TP63: variants seen among roughly 807,000 people sequenced by gnomAD.
TP63 encodes tumor protein 63.
TP63 carries 17 observed loss-of-function variants against 82.8 expected under a neutral mutation model. That is an observed-to-expected ratio of 0.21 (90% confidence interval 0.14 to 0.31). TP63 has a LOEUF of 0.31. Among genes scored for constraint, TP63 ranks in the 10% least tolerant of loss-of-function variants. The pLI is 1.00. For missense variants in TP63, 648 were observed against 895.3 expected (o/e 0.72, Z 3.52); for synonymous variants, 330 against 321.7 (o/e 1.03, Z -0.28).
At chr3:189,711,238 G>A (rs924622649) in intron 1 of TP63, among the ~76,000 whole-genome samples, 2 of 152,154 alleles carry the variant, frequency 1.3e-5, no homozygotes, top group African/African-American at 4.8e-5. Context: ...CAGCCTTGTG[G>A]AATTTAGGCC....
chr3:189,679,684 T>C (rs1195630803), intron 1 of TP63, among the ~76,000 whole-genome samples: 4 of 152,140 alleles, frequency 2.6e-5, no homozygotes. Flanking sequence ...GCTTTTGGTG[T>C]CACATTCAAA....
At chr3:189,833,341 A>C (rs1415697362) in intron 4 of TP63, among the ~76,000 whole-genome samples, 1 of 152,240 alleles carries the variant, frequency 6.6e-6, no homozygotes, top group Non-Finnish European at 1.5e-5. Context: ...GTAAAAGAAC[A>C]TTATGCCTTT....
chr3:189,726,828 T>A (rs551708002), intron 1 of TP63, among the ~76,000 whole-genome samples: 2 of 152,342 alleles, frequency 1.3e-5, no homozygotes, highest in Admixed American at 1.3e-4. Context: ...TAACTCAAAC[T>A]GCAATTTATT....
intron 1 of TP63, among the ~76,000 whole-genome samples, chr3:189,704,828 A>G (rs1718082718): frequency 6.6e-6 from 1 of 152,220 alleles, no homozygotes; most frequent in Non-Finnish European, 1.5e-5. Context: ...ATGCTTTTAA[A>G]AAGATTTGAA....
intron 1 of TP63, among the ~76,000 whole-genome samples, chr3:189,657,034 GACA>G (rs1713441444): frequency 7.3e-6 from 1 of 136,556 alleles, no homozygotes; most frequent in Non-Finnish European, 1.6e-5. Flanking sequence ...AAAAAAAAAA[GACA>G]ACAAGAATCT....
chr3:189,632,649 G>T (rs1310105506), intron 1 of TP63, among the ~76,000 whole-genome samples: 3 of 152,136 alleles, frequency 2.0e-5, no homozygotes, highest in Admixed American at 2.0e-4. Context: ...TGAAAAAAGA[G>T]AGAGGGGAAG....
At chr3:189,780,946 G>A (rs753121645) in intron 3 of TP63, among the ~76,000 whole-genome samples, 3 of 152,078 alleles carry the variant, frequency 2.0e-5, no homozygotes, top group Non-Finnish European at 1.5e-5. Context: ...TGTGTTTGTG[G>A]TAAGGGCTAT....
intron 1 of TP63, among the ~76,000 whole-genome samples, chr3:189,659,532 G>A (rs1005450591): frequency 9.9e-5 from 15 of 152,008 alleles, no homozygotes; most frequent in African/African-American, 3.4e-4. Context: ...AGGCACATAT[G>A]AGTGCATTTT....
the TP63 span, among the ~76,000 whole-genome samples, chr3:189,597,127 T>G: frequency 6.6e-6 from 1 of 152,250 alleles, no homozygotes; most frequent in East Asian, 1.9e-4. Context: ...ATTCTTGAAG[T>G]CAGAGAGACC....
At chr3:189,833,365 C>T (rs1042929915) in intron 4 of TP63, among the ~76,000 whole-genome samples, 3 of 152,180 alleles carry the variant, frequency 2.0e-5, no homozygotes, top group Admixed American at 6.5e-5. Context: ...TTGAAAACTG[C>T]CTTTCCAATT....
chr3:189,748,702 A>G (rs768326964), intron 3 of TP63, among the ~76,000 whole-genome samples: 1 of 152,014 alleles, frequency 6.6e-6, no homozygotes, highest in Non-Finnish European at 1.5e-5. Context: ...ATCATATGGA[A>G]TAAAAAAGAG....
intron 1 of TP63, among the ~76,000 whole-genome samples, chr3:189,689,655 G>A (rs16864725): frequency 0.11 from 16,473 of 151,942 alleles, 947 homozygotes; most frequent in South Asian, 0.16. Context: ...TATTCAAAAG[G>A]GTCATGCCTC....
At chr3:189,869,275 G>A (rs1448392738) in intron 8 of TP63, 49 bp from the exon 9 acceptor site, 10 of 1,407,178 alleles carry the variant, frequency 7.1e-6, no homozygotes, top group Non-Finnish European at 9.1e-6. Flanking sequence ...ATATGCATTA[G>A]TGCTTTAGAA....
chr3:189,677,602 G>A (rs1715555077), intron 1 of TP63, among the ~76,000 whole-genome samples: 2 of 151,402 alleles, frequency 1.3e-5, no homozygotes, highest in African/African-American at 4.9e-5. Flanking sequence ...TTTTCCTTTG[G>A]GTCAGTATCC....
intron 1 of TP63, among the ~76,000 whole-genome samples, chr3:189,652,580 G>A (rs1712985724): frequency 6.8e-6 from 1 of 146,816 alleles, no homozygotes; most frequent in African/African-American, 2.6e-5. Flanking sequence ...TTAAGACTTT[G>A]GAGGACTGTT....
chr3:189,808,231 G>A (rs1400856473), intron 3 of TP63, 41 bp from the exon 4 acceptor site: 3 of 1,614,086 alleles, frequency 1.9e-6, no homozygotes, highest in Non-Finnish European at 2.5e-6. Context: ...ATGATCCGTG[G>A]CTTCAGCGGC....
the TP63 span, among the ~76,000 whole-genome samples, chr3:189,624,909 C>G: frequency 6.6e-6 from 1 of 152,128 alleles, no homozygotes; most frequent in African/African-American, 2.4e-5. Flanking sequence ...AATAATTTAG[C>G]TATACATAAA....
chr3:189,880,784 G>C (rs938554244), intron 10 of TP63: 12 of 985,288 alleles, frequency 1.2e-5, no homozygotes, highest in Admixed American at 1.2e-4. Context: ...TGGGTGGAGA[G>C]TTCTTTGTGA....
At chr3:189,768,770 G>A (rs1044187531) in intron 3 of TP63, among the ~76,000 whole-genome samples, 13 of 152,114 alleles carry the variant, frequency 8.5e-5, no homozygotes, top group Non-Finnish European at 1.3e-4. Flanking sequence ...TGGCAGGTGG[G>A]TGCCATAGTG....
Sources: gnomAD v4.1 joint callset for allele counts (sites outside exome capture counted in the v4.1 genomes callset) on GRCh38, gnomAD v4.1.1 for gene constraint, MANE v1.5 for transcripts, NCBI Gene and HGNC (gene_info 2026-07-23, HGNC 2026-07-21) for gene names.